Variants in DGKG observed in about 807,000 individuals in gnomAD.
DGKG encodes diacylglycerol kinase gamma, also known as DAG kinase gamma.
Under a neutral mutation model 105.3 loss-of-function variants are expected in DGKG, and 78 were observed. The ratio of observed to expected loss-of-function variants is 0.74; its 90% CI spans 0.62 to 0.89. The LOEUF (loss-of-function observed/expected upper bound fraction) is 0.89. Ranked by LOEUF, DGKG falls within the 40% of genes least tolerant of loss-of-function variation. DGKG has a pLI of 0.00. For synonymous variants in DGKG, 346 were observed against 367.1 expected, an observed-to-expected ratio of 0.94 and a Z score of 0.66; for missense variants, 958 against 1,020.1, an observed-to-expected ratio of 0.94 and a Z score of 0.83.
chr3:186,302,514 GTATA>G lies in DGKG; in HGVS notation c.145-4289_145-4286del, dbSNP rs1172001065. Among the ~76,000 whole-genome samples the G allele has an allele frequency of 6.6e-4, 11 of 16,726 alleles. No individual in the cohort carries two copies. The South Asian group carries it at 8.7e-3, about 13-fold the overall frequency. The allele number at this position is 16,726 out of a possible 152,430, so 11.0% of individuals were successfully genotyped here. ...TATATATATATATATATACATATGT[GTATA>G]TATATATATATATACATATGTATAT... On this transcript the variant is annotated intron_variant, in intron 3 of 24. Transcript: ENST00000265022.
At chr3:186,229,839 A>G (rs1216514494) in intron 20 of DGKG, among the ~76,000 whole-genome samples, 1 of 152,196 alleles carries the variant, frequency 6.6e-6, no homozygotes, top group African/African-American at 2.4e-5. Context: ...TCCTGAAGAG[A>G]GTCAGACTCC....
intron 24 of DGKG, chr3:186,158,130 A>G (rs1716124536): frequency 3.1e-6 from 2 of 651,730 alleles, no homozygotes; most frequent in Non-Finnish European, 3.8e-6. Context: ...AACATTTGAC[A>G]TATTTTAAGA....
intron 23 of DGKG, among the ~76,000 whole-genome samples, 187 bp from the exon 24 acceptor site, chr3:186,161,850 G>T (rs534566515): frequency 6.6e-6 from 1 of 152,294 alleles, no homozygotes; most frequent in Non-Finnish European, 1.5e-5. Flanking sequence ...AACTTGGCAG[G>T]TCTGGGGGCC....
intron 13 of DGKG, 173 bp downstream of exon 13, chr3:186,267,512 C>T (rs1368872988): frequency 3.5e-6 from 2 of 574,242 alleles, no homozygotes; most frequent in East Asian, 2.9e-5. Context: ...GTGTAACAAA[C>T]CCTCCCATGT....
Position 186,148,053 on chromosome 3 carries a change from G to A in DGKG, c.*2037C>T, listed in dbSNP as rs898430415. 4 of 985,258 alleles carry A rather than the reference G, an allele frequency of 4.1e-6. No individual in the cohort carries two copies. The African/African-American group carries it at 7.0e-5, about 17-fold the overall frequency. The allele number at this position is 985,258 out of a possible 1,614,324, so 61.0% of individuals were successfully genotyped here. A position where few individuals can be genotyped will look rare whatever the true frequency, so the allele number is the denominator to read the frequency against. On this transcript the variant is annotated 3_prime_UTR_variant, in exon 25 of 25. Coordinates refer to ENST00000265022, the MANE Select transcript of DGKG (RefSeq NM_001346.3). The stretch of plus-strand genomic sequence containing the variant: ...CTTAATATTCCCTTCTTTGTCCAAA[G>A]CTCCTGTCCAATGCAAGATTAGAGG...
chr3:186,281,594 C>A (rs1189631201), intron 7 of DGKG, among the ~76,000 whole-genome samples: 1 of 152,090 alleles, frequency 6.6e-6, no homozygotes, highest in East Asian at 1.9e-4. Context: ...AAATAGCAAG[C>A]TAAAACCCAG....
At chr3:186,164,532 A>G (rs1322295959) in intron 23 of DGKG, among the ~76,000 whole-genome samples, 3 of 152,202 alleles carry the variant, frequency 2.0e-5, no homozygotes, top group South Asian at 4.1e-4. Flanking sequence ...TTTTTTTATC[A>G]GAGTGTGCCC....
chr3:186,305,321 T>A (rs1003523175), intron 3 of DGKG, among the ~76,000 whole-genome samples: 2 of 152,188 alleles, frequency 1.3e-5, no homozygotes, highest in Admixed American at 6.5e-5. Flanking sequence ...GACAATGTGA[T>A]GTGCTGAGGA....
At position 186,149,057 on chromosome 3, in the gene DGKG, C is replaced by G. The variant is rs953597973; in HGVS notation, c.*1033G>C. ...ACACACGTTAAGACCATCAGAAGGTCCTTCAGGTCATACTCTGGGAGTGGT... is the reference window on the plus strand; with the variant it reads ...ACACACGTTAAGACCATCAGAAGGTGCTTCAGGTCATACTCTGGGAGTGGT... On this transcript the variant is annotated 3_prime_UTR_variant, in exon 25 of 25. Coordinates refer to ENST00000265022, the MANE Select transcript of DGKG (RefSeq NM_001346.3). 5.1e-6 allele frequency: 5 copies of G among 983,880 alleles called. No homozygotes were observed. In the African/African-American group the frequency reaches 8.8e-5, roughly 17 times the overall value. The allele number at this position is 983,880 out of a possible 1,614,324, so 60.9% of individuals were successfully genotyped here. A position where few individuals can be genotyped will look rare whatever the true frequency, so the allele number is the denominator to read the frequency against.
At chr3:186,232,953 C>T (rs1720224769) in intron 20 of DGKG, among the ~76,000 whole-genome samples, 1 of 152,280 alleles carries the variant, frequency 6.6e-6, no homozygotes, top group African/African-American at 2.4e-5. Flanking sequence ...ATAGCTACCA[C>T]TGATGTGCCC....
chr3:186,305,401 T>C (rs1724185961), intron 3 of DGKG, among the ~76,000 whole-genome samples: 2 of 152,158 alleles, frequency 1.3e-5, no homozygotes, highest in South Asian at 4.1e-4. Flanking sequence ...GCTTATTTGA[T>C]AGCATCAAGA....
chr3:186,325,046 A>G (rs549233695), intron 1 of DGKG, among the ~76,000 whole-genome samples: 14 of 152,390 alleles, frequency 9.2e-5, no homozygotes, highest in Admixed American at 8.5e-4. Context: ...GAATGAAATC[A>G]TGTCCTTTGC....
At chr3:186,263,429 T>G (rs1005291933) in intron 14 of DGKG, among the ~76,000 whole-genome samples, 5 of 151,708 alleles carry the variant, frequency 3.3e-5, no homozygotes, top group African/African-American at 1.2e-4. Context: ...TAGCCGGGTG[T>G]AGTGGCGCAT....
chr3:186,228,657 T>C (rs1337878637), intron 20 of DGKG, among the ~76,000 whole-genome samples: 1 of 152,194 alleles, frequency 6.6e-6, no homozygotes, highest in African/African-American at 2.4e-5. Context: ...CCTTCTCCCA[T>C]ACTGCTTCCC....
chr3:186,347,317 A>G (rs1019659030), intron 1 of DGKG, among the ~76,000 whole-genome samples: 1 of 151,706 alleles, frequency 6.6e-6, no homozygotes, highest in Non-Finnish European at 1.5e-5. Context: ...GCATGGTGGC[A>G]CGCGCCTGCA....
At chr3:186,353,531 A>T (rs1726736675) in intron 1 of DGKG, among the ~76,000 whole-genome samples, 1 of 149,512 alleles carries the variant, frequency 6.7e-6, no homozygotes, top group South Asian at 2.1e-4. Flanking sequence ...AAAAAAAAGT[A>T]TATATACACA....
intron 24 of DGKG, chr3:186,160,298 C>A: frequency 1.0e-6 from 1 of 985,344 alleles, no homozygotes; most frequent in Non-Finnish European, 1.2e-6. Context: ...TCAGCTAGGA[C>A]TGAACCAGGT....
At chr3:186,229,191 T>C (rs946106790) in intron 20 of DGKG, among the ~76,000 whole-genome samples, 2 of 151,360 alleles carry the variant, frequency 1.3e-5, no homozygotes. Context: ...AAAATCATTC[T>C]CTCTCAGAGC....
At chr3:186,234,496 A>G (rs954611861) in intron 20 of DGKG, among the ~76,000 whole-genome samples, 1 of 152,280 alleles carries the variant, frequency 6.6e-6, no homozygotes, top group South Asian at 2.1e-4. Context: ...TCAATCAGTC[A>G]GTAAATACTG....
Sources: allele counts gnomAD v4.1 joint callset (sites outside exome capture counted in the v4.1 genomes callset), GRCh38; gene constraint gnomAD v4.1.1; transcripts MANE v1.5; gene names NCBI Gene and HGNC (gene_info 2026-07-23, HGNC 2026-07-21).